CACNA1A: variants seen among roughly 807,000 people sequenced by gnomAD.
The protein encoded by CACNA1A is calcium voltage-gated channel subunit alpha1 A.
CACNA1A carries 57 observed loss-of-function variants against 262.4 expected under a neutral mutation model. The observed-to-expected ratio is 0.22, with a 90% CI of 0.18 to 0.27. The LOEUF (loss-of-function observed/expected upper bound fraction) is 0.27. Ranked by LOEUF, CACNA1A falls within the 10% of genes least tolerant of loss-of-function variation. The pLI is 1.00. For synonymous variants in CACNA1A, 1,431 were observed against 1,419.3 expected, an observed-to-expected ratio of 1.01 and a Z score of -0.18; for missense variants, 2,526 against 3,562.8, an observed-to-expected ratio of 0.71 and a Z score of 7.41.
At chr19:13,490,831 A>C (rs1476884441) in intron 1 of CACNA1A, among the ~76,000 whole-genome samples, 1 of 148,142 alleles carries the variant, frequency 6.8e-6, no homozygotes, top group African/African-American at 2.5e-5. Flanking sequence ...AAAGGAAGGA[A>C]GAAGGGAGGG....
At chr19:13,469,755 G>A (rs983135306) in intron 1 of CACNA1A, among the ~76,000 whole-genome samples, 8 of 151,424 alleles carry the variant, frequency 5.3e-5, no homozygotes, top group Non-Finnish European at 1.0e-4. Context: ...CACCGCGCCC[G>A]GCTGAACCAC....
rs760904322 is a variant in CACNA1A, at chr19:13,207,377, C to T, written c.7457G>A (p.Arg2486His). ...YYPAHGLARP[R>H]GPGSRKGLHE... ...CAGGCCCTTCCTGGAGCCCGGCCCGCGGGGCCTGGCCAGTCCGTGCGCCGG... is the reference window on the plus strand; with the variant it reads ...CAGGCCCTTCCTGGAGCCCGGCCCGTGGGGCCTGGCCAGTCCGTGCGCCGG... Residue 2486 changes from arginine (R) to histidine (H), a missense_variant, in exon 47 of 47, where the codon CGC (arginine) becomes CAC (histidine). Arg to His is a conservative substitution (Grantham distance 29, BLOSUM62 0). This residue lies in a region of CACNA1A where 929 missense variants were observed against 868.1 expected (regional missense o/e 1.07). Transcript: ENST00000360228. The surrounding 1 kb of genome is among the most constrained non-coding windows in gnomAD (Gnocchi z 5.7). 9.1e-6 allele frequency: 14 copies of T among 1,546,308 alleles called. No homozygotes were observed. The highest frequency in any genetic ancestry group is 3.8e-5 in the Admixed American group (2 of 52,928).
intron 1 of CACNA1A, among the ~76,000 whole-genome samples, chr19:13,490,196 A>G (rs1055525670): frequency 1.3e-5 from 2 of 152,212 alleles, no homozygotes; most frequent in African/African-American, 4.8e-5. Context: ...TACAGTCACC[A>G]TCCACTTAAT....
At chr19:13,253,610 T>A (rs1353586279) in intron 29 of CACNA1A, among the ~76,000 whole-genome samples, 1 of 151,764 alleles carries the variant, frequency 6.6e-6, no homozygotes, top group African/African-American at 2.4e-5. Flanking sequence ...CATGCCCAGC[T>A]AACTTTTTGT....
At chr19:13,430,907 G>C (rs1482434453) in intron 3 of CACNA1A, among the ~76,000 whole-genome samples, 1 of 152,016 alleles carries the variant, frequency 6.6e-6, no homozygotes, top group Non-Finnish European at 1.5e-5. Flanking sequence ...TGAGGGGGGA[G>C]CCAAGCAGAT....
At chr19:13,347,059 G>GTTTGTTTT (rs1600390610) in intron 6 of CACNA1A, among the ~76,000 whole-genome samples, 1 of 58,394 alleles carries the variant, frequency 1.7e-5, no homozygotes, top group East Asian at 0.011. Context: ...TGTTTTTTTT[G>GTTTGTTTT]TTTTTTTGTT....
intron 3 of CACNA1A, among the ~76,000 whole-genome samples, chr19:13,441,104 T>G (rs2060710922): frequency 6.6e-6 from 1 of 152,158 alleles, no homozygotes. Context: ...TCAGCCACCA[T>G]GCCCCACCAA....
At chr19:13,244,448 G>T (rs1168515018) in intron 31 of CACNA1A, 1 of 152,194 alleles carries the variant, frequency 6.6e-6, no homozygotes, top group Non-Finnish European at 1.5e-5. Context: ...TTGACCCTTG[G>T]CTTTGACACC....
At chr19:13,411,443 G>A (rs1322783830) in intron 3 of CACNA1A, among the ~76,000 whole-genome samples, 1 of 152,168 alleles carries the variant, frequency 6.6e-6, no homozygotes, top group African/African-American at 2.4e-5. Flanking sequence ...AGATCTGATG[G>A]TTTTATAAAT....
chr19:13,440,865 G>A (rs1430925999), intron 3 of CACNA1A, among the ~76,000 whole-genome samples: 4 of 152,176 alleles, frequency 2.6e-5, no homozygotes, highest in African/African-American at 9.7e-5. Flanking sequence ...GACTGCAGTG[G>A]TGCAAGCACG....
chr19:13,343,800 C>T (rs892637878), intron 6 of CACNA1A, among the ~76,000 whole-genome samples: 2 of 152,136 alleles, frequency 1.3e-5, no homozygotes, highest in African/African-American at 4.8e-5. Context: ...AGAGACACAA[C>T]ACACCAACAC....
chr19:13,486,578 C>T (rs1283229038), intron 1 of CACNA1A, among the ~76,000 whole-genome samples: 1 of 151,502 alleles, frequency 6.6e-6, no homozygotes, highest in African/African-American at 2.4e-5. Context: ...GGCAAGACGG[C>T]GAGGGTAAGG....
At chr19:13,321,656 T>C (rs2058255656) in intron 10 of CACNA1A, among the ~76,000 whole-genome samples, 1 of 151,880 alleles carries the variant, frequency 6.6e-6, no homozygotes, top group South Asian at 2.1e-4. Context: ...ATCATAGTAT[T>C]TGTGTGTCTG....
chr19:13,217,026 G>A (rs894535161), intron 38 of CACNA1A, among the ~76,000 whole-genome samples: 3 of 152,240 alleles, frequency 2.0e-5, no homozygotes, highest in Non-Finnish European at 4.4e-5. Flanking sequence ...CCAACTACTC[G>A]GGAGGCTGAG....
At chr19:13,485,650 T>C (rs892977954) in intron 1 of CACNA1A, among the ~76,000 whole-genome samples, 1 of 152,176 alleles carries the variant, frequency 6.6e-6, no homozygotes, top group Non-Finnish European at 1.5e-5. Flanking sequence ...AATCGGGGGA[T>C]GCAAACTAAA....
chr19:13,405,807 C>T (rs745960310), intron 3 of CACNA1A, among the ~76,000 whole-genome samples: 1 of 152,146 alleles, frequency 6.6e-6, no homozygotes, highest in African/African-American at 2.4e-5. Context: ...CTGTATATTT[C>T]ACAGTATTTG....
intron 3 of CACNA1A, among the ~76,000 whole-genome samples, chr19:13,379,792 C>T (rs1234714186): frequency 7.5e-6 from 1 of 132,760 alleles, no homozygotes; most frequent in Non-Finnish European, 1.6e-5. Context: ...GGCGTGGTGG[C>T]GGGTGTCTGT....
In CACNA1A at chr19:13,306,059, CAA is replaced by C. The variant is rs34439709; in HGVS notation, c.1986+1721_1986+1722del. ...TGGGCAACAGAGCGAGACTCCATCT[CAA>C]AAAAAAAAAAAAAATCGCTTATGTG... On this transcript the variant is annotated intron_variant, in intron 15 of 46. Transcript: ENST00000360228. 9.2e-3 allele frequency among the ~76,000 whole-genome samples: 1,282 copies of C among 139,836 alleles called. 22 individuals carry two copies. The highest frequency in any genetic ancestry group is 0.028 in the African/African-American group (1,068 of 38,138). 91.7% of individuals were successfully genotyped at this position (139,836 alleles called of 152,430 possible). A position where few individuals can be genotyped will look rare whatever the true frequency, so the allele number is the denominator to read the frequency against.
chr19:13,348,045 C>T (rs1387050633), intron 6 of CACNA1A, among the ~76,000 whole-genome samples: 3 of 151,992 alleles, frequency 2.0e-5, no homozygotes, highest in Admixed American at 6.6e-5. Flanking sequence ...CTCAGCCTCC[C>T]GAGTAGCTGG....
Sources: gnomAD v4.1 joint callset for allele counts (sites outside exome capture counted in the v4.1 genomes callset) on GRCh38, gnomAD v4.1.1 for gene constraint, gnomAD v4.1.1 regional missense constraint, Gnocchi (gnomAD v3.1) non-coding constraint, MANE v1.5 for transcripts, NCBI Gene and HGNC (gene_info 2026-07-23, HGNC 2026-07-21) for gene names.